RFX3: variants seen among roughly 807,000 people sequenced by gnomAD.
RFX3 encodes the protein regulatory factor X3, also known as transcription factor RFX3.
A neutral mutation model predicts 98.6 loss-of-function variants in RFX3; 14 were observed. That is an observed-to-expected ratio of 0.14 (90% confidence interval 0.09 to 0.22). The LOEUF (loss-of-function observed/expected upper bound fraction) is 0.22, where lower values mean the gene tolerates loss of function less well. Ranked by LOEUF, RFX3 falls within the 10% of genes least tolerant of loss-of-function variation. The pLI is 1.00. For synonymous variants in RFX3, 383 were observed against 328.4 expected, an observed-to-expected ratio of 1.17 and a Z score of -1.80; for missense variants, 639 against 926.9, an observed-to-expected ratio of 0.69 and a Z score of 4.03.
chr9:3,514,713 T>C (rs954821185), intron 1 of RFX3, among the ~76,000 whole-genome samples: 2 of 152,186 alleles, frequency 1.3e-5, no homozygotes, highest in African/African-American at 2.4e-5. Flanking sequence ...CCTCCCAATG[T>C]GCTGGGATTA....
intron 2 of RFX3, among the ~76,000 whole-genome samples, chr9:3,361,851 G>A (rs942962960): frequency 2.0e-5 from 3 of 151,966 alleles, no homozygotes; most frequent in Non-Finnish European, 4.4e-5. Context: ...GGAGACCAAG[G>A]CAGGAGGATT....
intron 4 of RFX3, chr9:3,324,053 T>A (rs944121595): frequency 8.8e-6 from 4 of 453,008 alleles, no homozygotes; most frequent in African/African-American, 8.0e-5. Flanking sequence ...AGACGGTTCA[T>A]GGTAATCTGT....
intron 2 of RFX3, among the ~76,000 whole-genome samples, chr9:3,385,703 A>G (rs940765864): frequency 1.1e-5 from 1 of 93,506 alleles, no homozygotes; most frequent in Non-Finnish European, 2.2e-5. Flanking sequence ...AAAAAAAAAA[A>G]AGAAAAGAAA....
At chr9:3,378,945 A>G (rs1276062431) in intron 2 of RFX3, among the ~76,000 whole-genome samples, 1 of 152,202 alleles carries the variant, frequency 6.6e-6, no homozygotes, top group Non-Finnish European at 1.5e-5. Context: ...TGCTTACGCT[A>G]TTCAGAAATT....
At chr9:3,486,533 T>C (rs1850290707) in intron 1 of RFX3, among the ~76,000 whole-genome samples, 1 of 152,176 alleles carries the variant, frequency 6.6e-6, no homozygotes, top group African/African-American at 2.4e-5. Flanking sequence ...TCAGTGTCTC[T>C]CCAACTGCTT....
chr9:3,233,117 C>G (rs1818696994), intron 15 of RFX3, among the ~76,000 whole-genome samples: 1 of 152,180 alleles, frequency 6.6e-6, no homozygotes. Flanking sequence ...ATAACGAACA[C>G]CTCACTGGAC....
At chr9:3,277,208 T>C (rs1825342183) in intron 8 of RFX3, 132 bp downstream of exon 8, 2 of 774,360 alleles carry the variant, frequency 2.6e-6, no homozygotes, top group African/African-American at 1.7e-5. Context: ...GTTATACATA[T>C]GATGTGCATA....
chr9:3,375,846 G>C (rs1031120733), intron 2 of RFX3, among the ~76,000 whole-genome samples: 2 of 152,094 alleles, frequency 1.3e-5, no homozygotes, highest in South Asian at 4.1e-4. Context: ...TGTAGTCCCA[G>C]TTACTCAGGA....
intron 2 of RFX3, among the ~76,000 whole-genome samples, chr9:3,391,673 G>T (rs772960278): frequency 1.3e-5 from 2 of 152,092 alleles, no homozygotes; most frequent in Non-Finnish European, 2.9e-5. Flanking sequence ...TGTTGGGGGT[G>T]GTGAGGGTGT....
chr9:3,457,221 G>T (rs1174015513), intron 1 of RFX3, among the ~76,000 whole-genome samples: 1 of 148,388 alleles, frequency 6.7e-6, no homozygotes, highest in East Asian at 2.0e-4. Context: ...CTTAAAATAG[G>T]AGAATTCTAC....
At chr9:3,457,734 TG>T (rs1332529020) in intron 1 of RFX3, among the ~76,000 whole-genome samples, 1 of 152,170 alleles carries the variant, frequency 6.6e-6, no homozygotes, top group African/African-American at 2.4e-5. Flanking sequence ...TTTGCTTATA[TG>T]GTATTTCACT....
At chr9:3,355,363 G>C (rs1835625013) in intron 2 of RFX3, among the ~76,000 whole-genome samples, 1 of 151,680 alleles carries the variant, frequency 6.6e-6, no homozygotes, top group Non-Finnish European at 1.5e-5. Context: ...AGGATATAAA[G>C]AGATAAATCT....
At chr9:3,236,905 G>GAA (rs1819232386) in intron 15 of RFX3, among the ~76,000 whole-genome samples, 1 of 152,200 alleles carries the variant, frequency 6.6e-6, no homozygotes, top group Non-Finnish European at 1.5e-5. Flanking sequence ...CAGTTTCTGT[G>GAA]AATGAATCAT....
intron 1 of RFX3, among the ~76,000 whole-genome samples, chr9:3,491,937 A>G (rs569682307): frequency 6.6e-6 from 1 of 152,346 alleles, no homozygotes; most frequent in East Asian, 1.9e-4. Context: ...GACCATGCTA[A>G]TCGATGCTAT....
rs187643111 is a variant in RFX3, at chr9:3,515,046, G to C, written c.-9+10701C>G. ...CTGATGTGACAGATTTTACTCTTTG[G>C]TTATTTAAAATAGCATAAATAGTAT... On this transcript the variant is annotated intron_variant, in intron 1 of 16. Transcript: ENST00000617270. Among the ~76,000 whole-genome samples the C allele has an allele frequency of 7.2e-5, 11 of 152,176 alleles. No individual in the cohort carries two copies. In the East Asian group the frequency reaches 2.1e-3, roughly 29 times the overall value.
At chr9:3,289,829 T>G (rs565032481) in intron 6 of RFX3, among the ~76,000 whole-genome samples, 1 of 152,276 alleles carries the variant, frequency 6.6e-6, no homozygotes, top group East Asian at 1.9e-4. Flanking sequence ...ATTTACTTTT[T>G]GTTTACTTAG....
chr9:3,424,376 T>TTG (rs1175685401), intron 1 of RFX3, among the ~76,000 whole-genome samples: 5 of 120,400 alleles, frequency 4.2e-5, no homozygotes, highest in Non-Finnish European at 8.5e-5. Flanking sequence ...TTTTTTTTTT[T>TTG]TTTGAGACGG....
At chr9:3,469,779 C>T (rs1386147210) in intron 1 of RFX3, among the ~76,000 whole-genome samples, 2 of 150,364 alleles carry the variant, frequency 1.3e-5, no homozygotes, top group African/African-American at 2.5e-5. Context: ...AATTATAGAT[C>T]ATGTTGCAGT....
chr9:3,477,937 T>A (rs1002133743), intron 1 of RFX3, among the ~76,000 whole-genome samples: 6 of 152,188 alleles, frequency 3.9e-5, no homozygotes, highest in African/African-American at 1.4e-4. Context: ...GCTCCTCTAG[T>A]GAATTTTTCA....
Sources: gnomAD v4.1 joint callset for allele counts (sites outside exome capture counted in the v4.1 genomes callset) on GRCh38, gnomAD v4.1.1 for gene constraint, MANE v1.5 for transcripts, NCBI Gene and HGNC (gene_info 2026-07-23, HGNC 2026-07-21) for gene names.